Variants in NOL4 observed in about 807,000 individuals in gnomAD.
NOL4 encodes cancer/testis antigen 125.
NOL4 carries 17 observed loss-of-function variants against 75.9 expected under a neutral mutation model. That is an observed-to-expected ratio of 0.22 (90% CI 0.15 to 0.34). The LOEUF is 0.34. Among genes scored for constraint, NOL4 ranks in the 10% least tolerant of loss-of-function variants. The pLI is 1.00. For missense variants in NOL4, 614 were observed against 793.5 expected (o/e 0.77, Z 2.72); for synonymous variants, 292 against 289.9 (o/e 1.01, Z -0.07).
chr18:34,222,873 A>C (rs1455291100), intron 1 of NOL4, 117 bp downstream of exon 1: 1 of 1,360,978 alleles, frequency 7.3e-7, no homozygotes, highest in African/African-American at 1.4e-5. Flanking sequence ...TGAGGAAGGT[A>C]GGGGGCACAC....
In NOL4 at chr18:34,221,942, C is replaced by T. The variant is rs975004551; in HGVS notation, c.264+1048G>A. 1.2e-5 allele frequency: 15 copies of T among 1,247,240 alleles called. No homozygotes were observed. The African/African-American group carries it at 1.9e-4, about 16-fold the overall frequency. The allele number at this position is 1,247,240 out of a possible 1,614,324, so 77.3% of individuals were successfully genotyped here. On this transcript the variant is annotated intron_variant, in intron 1 of 10. Coordinates refer to ENST00000261592, the MANE Select transcript of NOL4 (RefSeq NM_003787.5). ...AGGAGGGGGGAAAGGAAGAAATGCT[C>T]AAGAAACCCCAAAGCGAGGCAAAAA...
At chr18:33,983,206 T>C (rs533237511) in intron 6 of NOL4, among the ~76,000 whole-genome samples, 2 of 152,196 alleles carry the variant, frequency 1.3e-5, no homozygotes, top group South Asian at 4.1e-4. Flanking sequence ...AAGGGATAAA[T>C]GGGCAGAGCA....
intron 8 of NOL4, among the ~76,000 whole-genome samples, chr18:33,945,332 A>G (rs1479426090): frequency 6.6e-6 from 1 of 151,784 alleles, no homozygotes; most frequent in Non-Finnish European, 1.5e-5. Context: ...AAATGATTAC[A>G]TTGTATCAAT....
At chr18:34,130,666 T>A (rs1198325746) in intron 1 of NOL4, among the ~76,000 whole-genome samples, 2 of 151,984 alleles carry the variant, frequency 1.3e-5, no homozygotes, top group African/African-American at 4.8e-5. Context: ...TCCTATAAAA[T>A]AAAGAGCCCA....
chr18:33,958,409 G>A lies in NOL4; in HGVS notation c.1066C>T (p.His356Tyr), dbSNP rs764567820. 2.1e-5 allele frequency: 34 copies of A among 1,607,282 alleles called. No individual in the cohort carries two copies. The highest frequency in any genetic ancestry group is 1.9e-5 in the Non-Finnish European group (22 of 1,176,390). The change falls in exon 7 of 11, where the codon CAT (histidine) becomes TAT (tyrosine). Residue 356 changes from histidine to tyrosine, a missense_variant. This residue lies in a region of NOL4 where 196 missense variants were observed against 167.9 expected (regional missense o/e 1.17). Transcript: ENST00000261592. ...CCAGAGTCATAGCTGGAGTAACTAT[G>A]TGCAGGAGACTGAAAAGAGAAGGTG... Reference protein sequence around the residue: ...ARENGSKSPAHSYSSYDSGKN... With the variant: ...ARENGSKSPAYSYSSYDSGKN...
chr18:33,924,758 T>C (rs1034784916), intron 9 of NOL4, among the ~76,000 whole-genome samples: 4 of 152,190 alleles, frequency 2.6e-5, no homozygotes, highest in African/African-American at 7.2e-5. Flanking sequence ...ATTACTAAAA[T>C]ATGTAGTGCT....
chr18:34,051,675 C>T (rs2076630066), intron 5 of NOL4, among the ~76,000 whole-genome samples: 1 of 152,020 alleles, frequency 6.6e-6, no homozygotes, highest in South Asian at 2.1e-4. Context: ...CATACAGTCA[C>T]TCAGCATAGT....
At chr18:34,166,126 T>C (rs1338871080) in intron 1 of NOL4, among the ~76,000 whole-genome samples, 3 of 152,106 alleles carry the variant, frequency 2.0e-5, no homozygotes, top group African/African-American at 7.2e-5. Context: ...CTGTAATATT[T>C]TAAATATTCA....
intron 6 of NOL4, among the ~76,000 whole-genome samples, chr18:34,014,232 A>C (rs1420369663): frequency 1.3e-5 from 2 of 151,914 alleles, no homozygotes; most frequent in African/African-American, 4.8e-5. Context: ...TAATTGAAAA[A>C]AGTTACATGA....
At chr18:33,864,309 TG>T (rs1445265714) in intron 10 of NOL4, among the ~76,000 whole-genome samples, 3 of 152,198 alleles carry the variant, frequency 2.0e-5, no homozygotes, top group African/African-American at 7.2e-5. Context: ...TCTATCTCAT[TG>T]TGAGACTGCA....
At chr18:33,927,577 A>C (rs1455184819) in intron 9 of NOL4, among the ~76,000 whole-genome samples, 1 of 152,204 alleles carries the variant, frequency 6.6e-6, no homozygotes, top group Admixed American at 6.5e-5. Flanking sequence ...CGACACTGAT[A>C]ACACAGCAAA....
chr18:34,016,255 A>G (rs1600259192), intron 6 of NOL4, among the ~76,000 whole-genome samples: 2 of 152,074 alleles, frequency 1.3e-5, no homozygotes, highest in Admixed American at 1.3e-4. Flanking sequence ...TCCAACTGTC[A>G]ATATTTTCCT....
chr18:34,087,636 G>A (rs1431099137), intron 5 of NOL4, among the ~76,000 whole-genome samples: 1 of 151,982 alleles, frequency 6.6e-6, no homozygotes, highest in East Asian at 1.9e-4. Flanking sequence ...ATATGTATTA[G>A]TTGAGTGAAT....
intron 1 of NOL4, among the ~76,000 whole-genome samples, chr18:34,193,465 C>G (rs2035069283): frequency 6.6e-6 from 1 of 152,132 alleles, no homozygotes; most frequent in African/African-American, 2.4e-5. Flanking sequence ...GACATACAAA[C>G]AGCCAATATG....
intron 1 of NOL4, among the ~76,000 whole-genome samples, chr18:34,140,006 T>C (rs2145981309): frequency 6.6e-6 from 1 of 152,354 alleles, no homozygotes; most frequent in African/African-American, 2.4e-5. Flanking sequence ...AGTTTCTTAA[T>C]CCTGAGTTCT....
chr18:34,022,364 G>T (rs933444631), intron 5 of NOL4, among the ~76,000 whole-genome samples: 1 of 151,866 alleles, frequency 6.6e-6, no homozygotes, highest in African/African-American at 2.4e-5. Flanking sequence ...TAGGAAACTG[G>T]CCATAAATAA....
In NOL4 at chr18:34,168,630, T is replaced by C. The variant is rs968043126; in HGVS notation, c.265-38610A>G. On this transcript the variant is annotated intron_variant, in intron 1 of 10. Transcript: ENST00000261592. ...ATGTAAAAGAAGAAGAAGAAGGCTATTGTCCATGTTCTGGAGTTCAAAAGA... is the reference window on the plus strand; with the variant it reads ...ATGTAAAAGAAGAAGAAGAAGGCTACTGTCCATGTTCTGGAGTTCAAAAGA... Among the ~76,000 whole-genome samples, 5 of 151,596 alleles carry C rather than the reference T, an allele frequency of 3.3e-5. No individual in the cohort carries two copies. In the East Asian group the frequency reaches 9.7e-4, roughly 29 times the overall value.
At chr18:34,023,402 T>C (rs1201021627) in intron 5 of NOL4, 7 of 455,908 alleles carry the variant, frequency 1.5e-5, no homozygotes, top group Non-Finnish European at 2.6e-5. Flanking sequence ...CCAATTCATA[T>C]CAGGTCATCA....
chr18:34,044,071 G>T (rs11877299), intron 5 of NOL4, among the ~76,000 whole-genome samples: 131,894 of 152,116 alleles, frequency 0.87, 57,263 homozygotes, highest in East Asian at 0.97. Flanking sequence ...TCATAGTCAC[G>T]TTTATGTCAC....
Sources: allele counts gnomAD v4.1 joint callset (sites outside exome capture counted in the v4.1 genomes callset), GRCh38; gene constraint gnomAD v4.1.1; regional missense constraint gnomAD v4.1.1; transcripts MANE v1.5; gene names NCBI Gene and HGNC (gene_info 2026-07-23, HGNC 2026-07-21).